The following GPCPD1 variants were observed in gnomAD, a reference collection of about 807,000 sequenced individuals.
GPCPD1 encodes the protein glycerophosphocholine phosphodiesterase GPCPD1.
Under a neutral mutation model 89.2 loss-of-function variants are expected in GPCPD1, and 29 were observed. The observed-to-expected ratio is 0.33, with a 90% CI of 0.24 to 0.44. The LOEUF (loss-of-function observed/expected upper bound fraction) is 0.44. Among genes scored for constraint, GPCPD1 ranks in the 20% least tolerant of loss-of-function variants. The pLI is 1.00. For missense variants in GPCPD1, 594 were observed against 808.9 expected (o/e 0.73, Z 3.22); for synonymous variants, 258 against 266.3 (o/e 0.97, Z 0.30).
chr20:5,577,190 G>A (rs551252440), intron 8 of GPCPD1, among the ~76,000 whole-genome samples: 103 of 150,610 alleles, frequency 6.8e-4, no homozygotes, highest in Admixed American at 2.7e-3. Context: ...TCAGCCTCTC[G>A]AGTAGCTGGG....
intron 8 of GPCPD1, among the ~76,000 whole-genome samples, chr20:5,577,763 C>T (rs1333966816): frequency 6.6e-6 from 1 of 151,952 alleles, no homozygotes; most frequent in Admixed American, 6.6e-5. Context: ...ATACCACTAC[C>T]GAGCCAGGCC....
At chr20:5,565,099 A>G in intron 14 of GPCPD1, 21 bp from the exon 15 acceptor site, 1 of 1,302,550 alleles carries the variant, frequency 7.7e-7, no homozygotes, top group Non-Finnish European at 1.1e-6. Flanking sequence ...AAAACACAAA[A>G]TCTCAGTAAA....
rs534734465 is a variant in GPCPD1 at position 5,558,303 on chromosome 20, C to T, written c.1669-198G>A. 2.1e-3 allele frequency among the ~76,000 whole-genome samples: 325 copies of T among 152,074 alleles called. 2 individuals are homozygous for T. Among genetic ancestry groups the T allele is most frequent in the Non-Finnish European group, 3.8e-3 (261 of 68,000 alleles). On this transcript the variant is annotated intron_variant, in intron 18 of 19. Transcript: ENST00000379019. ...TATATTCACAATATATTAATATATA[C>T]ATAATGTATAAGCATACATATTGAA...
intron 11 of GPCPD1, 118 bp from the exon 12 acceptor site, chr20:5,570,357 T>G: frequency 8.0e-6 from 2 of 250,358 alleles, no homozygotes; most frequent in Non-Finnish European, 1.5e-5. Flanking sequence ...AAACTTTTTC[T>G]AAAAAGTAAT....
chr20:5,556,578 C>T (rs567174536), intron 19 of GPCPD1, among the ~76,000 whole-genome samples: 54 of 152,310 alleles, frequency 3.5e-4, no homozygotes, highest in African/African-American at 1.2e-3. Flanking sequence ...GGATCCCAGC[C>T]TTCACTATCG....
intron 1 of GPCPD1, among the ~76,000 whole-genome samples, chr20:5,608,410 A>T (rs1244001582): frequency 6.6e-5 from 10 of 152,096 alleles, no homozygotes; most frequent in Admixed American, 6.6e-4. Context: ...CCCCTCCCCA[A>T]ATTTGATACC....
In GPCPD1 at chr20:5,606,302, C is replaced by T. The variant is rs142140465; in HGVS notation, c.-28-1862G>A. ...CCAACACCCCTCAAAAAAACCTTTG[C>T]CCCCCCCACCAATGTTACAAGAATT... On this transcript the variant is annotated intron_variant, in intron 1 of 19. Transcript: ENST00000379019. Among the ~76,000 whole-genome samples, 153 of 150,450 alleles carry T rather than the reference C, an allele frequency of 1.0e-3. 1 individual carries two copies. The highest frequency in any genetic ancestry group is 2.8e-3 in the African/African-American group (115 of 40,834).
At chr20:5,582,142 C>T (rs1978557777) in intron 6 of GPCPD1, among the ~76,000 whole-genome samples, 2 of 130,464 alleles carry the variant, frequency 1.5e-5, no homozygotes, top group South Asian at 2.5e-4. Flanking sequence ...GCCGAGATCG[C>T]GCCACTGCAC....
At chr20:5,590,970 T>C (rs1017259484) in intron 4 of GPCPD1, among the ~76,000 whole-genome samples, 1 of 152,218 alleles carries the variant, frequency 6.6e-6, no homozygotes, top group Admixed American at 6.5e-5. Context: ...CATTTGACTA[T>C]GAGGAAACAT....
chr20:5,599,134 T>A (rs1288021330), intron 2 of GPCPD1, among the ~76,000 whole-genome samples: 1 of 152,258 alleles, frequency 6.6e-6, no homozygotes, highest in Non-Finnish European at 1.5e-5. Flanking sequence ...CCACAGTCTC[T>A]GCTTTCAAGA....
intron 1 of GPCPD1, among the ~76,000 whole-genome samples, chr20:5,610,083 G>T (rs1980856340): frequency 6.6e-6 from 1 of 152,178 alleles, no homozygotes; most frequent in African/African-American, 2.4e-5. Context: ...TAAGGTGGAA[G>T]AATCCTCTAC....
intron 7 of GPCPD1, among the ~76,000 whole-genome samples, chr20:5,579,726 A>G (rs1234810070): frequency 6.6e-6 from 1 of 152,256 alleles, no homozygotes. Flanking sequence ...AACTATTGCT[A>G]CACTATGAAA....
intron 19 of GPCPD1, among the ~76,000 whole-genome samples, chr20:5,553,818 G>A (rs1220888371): frequency 6.6e-6 from 1 of 152,222 alleles, no homozygotes; most frequent in African/African-American, 2.4e-5. Context: ...CCCAACAGAA[G>A]TTGGTTCATG....
intron 2 of GPCPD1, among the ~76,000 whole-genome samples, chr20:5,601,352 C>G (rs1980126520): frequency 6.9e-6 from 1 of 145,756 alleles, no homozygotes; most frequent in Non-Finnish European, 1.5e-5. Flanking sequence ...AGAGGGAGAC[C>G]CTGTTAATCT....
intron 14 of GPCPD1, among the ~76,000 whole-genome samples, chr20:5,565,462 C>T (rs554442143): frequency 1.2e-3 from 181 of 152,142 alleles, no homozygotes; most frequent in African/African-American, 4.0e-3. Flanking sequence ...CTCCTGGCCT[C>T]AAGCAATTCT....
At chr20:5,559,732 G>C (rs1056828554) in intron 17 of GPCPD1, among the ~76,000 whole-genome samples, 3 of 152,114 alleles carry the variant, frequency 2.0e-5, no homozygotes, top group African/African-American at 7.2e-5. Context: ...AGGGTGTAAG[G>C]CTCTAGGACC....
At chr20:5,593,533 C>T (rs1979485621) in intron 3 of GPCPD1, 122 bp from the exon 4 acceptor site, 2 of 618,072 alleles carry the variant, frequency 3.2e-6, no homozygotes, top group Admixed American at 5.1e-5. Flanking sequence ...TATTCCTACA[C>T]AAAATTTTAC....
rs985402219 is a variant in GPCPD1, at chr20:5,558,152, C to T, written c.1669-47G>A. ...GTGCATGAAAAAGAAACATTAACTG[C>T]AAAGCTAAATGCTCACACTCTAAAT... On this transcript the variant is annotated intron_variant, in intron 18 of 19. Coordinates refer to ENST00000379019, the MANE Select transcript of GPCPD1 (RefSeq NM_019593.5). The T allele has an allele frequency of 2.5e-6, 3 of 1,184,826 alleles. No homozygotes were observed. The South Asian group carries it at 4.1e-5, about 16-fold the overall frequency. 73.4% of individuals were successfully genotyped at this position (1,184,826 alleles called of 1,614,324 possible).
chr20:5,585,168 A>T (rs1199225346), intron 5 of GPCPD1: 4 of 152,218 alleles, frequency 2.6e-5, no homozygotes, highest in African/African-American at 7.2e-5. Flanking sequence ...ACAATTTTTT[A>T]AAACATTCAA....
Sources: allele counts gnomAD v4.1 joint callset (sites outside exome capture counted in the v4.1 genomes callset), GRCh38; gene constraint gnomAD v4.1.1; transcripts MANE v1.5; gene names NCBI Gene and HGNC (gene_info 2026-07-23, HGNC 2026-07-21).